NTN4: variants seen among roughly 807,000 people sequenced by gnomAD.
NTN4 encodes netrin 4.
In NTN4, 32 loss-of-function variants were observed where a neutral mutation model predicts 73.6. The ratio of observed to expected loss-of-function variants is 0.44; its 90% CI spans 0.33 to 0.58. The LOEUF (loss-of-function observed/expected upper bound fraction) is 0.58, where lower values mean the gene tolerates loss of function less well. Among genes scored for constraint, NTN4 ranks in the 20% least tolerant of loss-of-function variants. NTN4 has a pLI of 0.04. For missense variants in NTN4, 654 were observed against 798.3 expected (o/e 0.82, Z 2.18); for synonymous variants, 258 against 287.5 (o/e 0.90, Z 1.04).
At chr12:95,734,809 G>A (rs1592693425) in intron 3 of NTN4, among the ~76,000 whole-genome samples, 1 of 152,332 alleles carries the variant, frequency 6.6e-6, no homozygotes, top group Non-Finnish European at 1.5e-5. Flanking sequence ...GGAGGCTGAG[G>A]CGGGTGGATC....
chr12:95,680,303 T>G (rs1026364528), intron 7 of NTN4, among the ~76,000 whole-genome samples: 30 of 152,366 alleles, frequency 2.0e-4, no homozygotes, highest in African/African-American at 7.2e-4. Flanking sequence ...TACAAATTCG[T>G]AAGAAAATTA....
At chr12:95,772,335 C>G (rs1179046953) in intron 2 of NTN4, among the ~76,000 whole-genome samples, 1 of 152,200 alleles carries the variant, frequency 6.6e-6, no homozygotes, top group Admixed American at 6.5e-5. Flanking sequence ...CCACCACGTC[C>G]ACCCAAGATT....
At position 95,743,697 on chromosome 12, in the gene NTN4, CAT is replaced by C. The variant is rs1373128050; in HGVS notation, c.586-5555_586-5554del. Among the ~76,000 whole-genome samples, 4 of 152,166 alleles carry C rather than the reference CAT, an allele frequency of 2.6e-5. No individual in the cohort carries two copies. In the East Asian group the frequency reaches 5.8e-4, roughly 22 times the overall value. ...ACTTAATTTCATTGTGGTCAAAGAA[CAT>C]ATTTTGTATGATATGAATCCTTTTA... On this transcript the variant is annotated intron_variant, in intron 2 of 9. Coordinates refer to ENST00000343702, the MANE Select transcript of NTN4 (RefSeq NM_021229.4).
intron 3 of NTN4, among the ~76,000 whole-genome samples, chr12:95,733,435 G>A (rs1394753978): frequency 6.6e-6 from 1 of 152,188 alleles, no homozygotes; most frequent in Non-Finnish European, 1.5e-5. Flanking sequence ...AAGAGTAGAG[G>A]TAGCTGAGAT....
intron 7 of NTN4, among the ~76,000 whole-genome samples, chr12:95,672,126 G>A (rs527811119): frequency 5.5e-4 from 83 of 151,716 alleles, no homozygotes; most frequent in African/African-American, 2.0e-3. Context: ...TCTAAGACCA[G>A]GCTAGGTAAC....
chr12:95,757,350 T>C (rs901179713), intron 2 of NTN4, among the ~76,000 whole-genome samples: 1 of 152,226 alleles, frequency 6.6e-6, no homozygotes, highest in Non-Finnish European at 1.5e-5. Flanking sequence ...AGCTAGTAAG[T>C]GGCAGAGCCA....
intron 5 of NTN4, among the ~76,000 whole-genome samples, chr12:95,688,996 T>C (rs1050845659): frequency 6.6e-5 from 10 of 152,036 alleles, no homozygotes; most frequent in Non-Finnish European, 1.5e-4. Flanking sequence ...TAACCAATAA[T>C]CATTAGAGCC....
chr12:95,716,631 C>T (rs2078607691), intron 3 of NTN4, among the ~76,000 whole-genome samples: 1 of 151,962 alleles, frequency 6.6e-6, no homozygotes, highest in African/African-American at 2.4e-5. Context: ...ATGGTTTCTT[C>T]TCCAGCTTTC....
intron 3 of NTN4, among the ~76,000 whole-genome samples, chr12:95,718,188 C>T (rs2078621296): frequency 6.6e-6 from 1 of 152,142 alleles, no homozygotes; most frequent in Admixed American, 6.5e-5. Flanking sequence ...AGGCAAGAGA[C>T]ATAAGAATTT....
chr12:95,681,014 C>G (rs1245011374), intron 7 of NTN4, among the ~76,000 whole-genome samples: 3 of 151,752 alleles, frequency 2.0e-5, no homozygotes, highest in Non-Finnish European at 4.4e-5. Context: ...ATAGTGAAAC[C>G]CCATCTCTAC....
chr12:95,790,622 T>G lies in NTN4; in HGVS notation c.-313A>C. On this transcript the variant is annotated 5_prime_UTR_variant, in exon 1 of 10. Coordinates refer to ENST00000343702, the MANE Select transcript of NTN4 (RefSeq NM_021229.4). The surrounding 1 kb of genome is among the most constrained non-coding windows in gnomAD (Gnocchi z 6.5). ...GCGGCCCTGCGGGCTCGTCTGCCGC[T>G]AGCCCGGGGCTCGGCGCCCGCAGCC... The G allele has an allele frequency of 9.7e-6, 2 of 206,738 alleles. No homozygotes were observed. Among genetic ancestry groups the G allele is most frequent in the Non-Finnish European group, 9.6e-6 (1 of 103,864 alleles). The allele number at this position is 206,738 out of a possible 1,614,324, so 12.8% of individuals were successfully genotyped here. A position where few individuals can be genotyped will look rare whatever the true frequency, so the allele number is the denominator to read the frequency against.
At position 95,658,916 on chromosome 12, in the gene NTN4, G is replaced by T; in HGVS notation, c.*170C>A. Reference sequence around the variant, plus strand: ...TCATTTCTCTTCATGAAATAAAACTGTATTTAAACATGGGTCCAGAAGAGA... The same window carrying T: ...TCATTTCTCTTCATGAAATAAAACTTTATTTAAACATGGGTCCAGAAGAGA... On this transcript the variant is annotated 3_prime_UTR_variant, in exon 10 of 10. Coordinates refer to ENST00000343702, the MANE Select transcript of NTN4 (RefSeq NM_021229.4). The T allele has an allele frequency of 1.8e-6, 1 of 542,896 alleles. No homozygotes were observed. The allele number at this position is 542,896 out of a possible 1,614,324, so 33.6% of individuals were successfully genotyped here.
At chr12:95,716,032 G>A (rs536105293) in intron 3 of NTN4, among the ~76,000 whole-genome samples, 1 of 151,588 alleles carries the variant, frequency 6.6e-6, no homozygotes, top group Admixed American at 6.6e-5. Flanking sequence ...GTAACACAAT[G>A]GAGACTAGTA....
At chr12:95,730,105 A>G (rs1469419512) in intron 3 of NTN4, among the ~76,000 whole-genome samples, 1 of 152,220 alleles carries the variant, frequency 6.6e-6, no homozygotes, top group Non-Finnish European at 1.5e-5. Context: ...AAAAAAGTCA[A>G]ATATGAGTTA....
intron 2 of NTN4, among the ~76,000 whole-genome samples, chr12:95,775,928 C>T (rs1280006721): frequency 1.3e-5 from 2 of 152,232 alleles, no homozygotes; most frequent in East Asian, 1.9e-4. Context: ...GGCAGACTGA[C>T]AACTCACACG....
chr12:95,698,564 T>C (rs1212743593), intron 5 of NTN4, among the ~76,000 whole-genome samples: 3 of 152,166 alleles, frequency 2.0e-5, no homozygotes, highest in African/African-American at 7.2e-5. Context: ...ATTTGTAAAG[T>C]TTTGGCTGGG....
At chr12:95,741,458 T>G (rs2078825252) in intron 2 of NTN4, among the ~76,000 whole-genome samples, 1 of 127,382 alleles carries the variant, frequency 7.9e-6, no homozygotes, top group African/African-American at 3.1e-5. Flanking sequence ...TATATATATA[T>G]ATATATATAT....
At chr12:95,695,125 C>CA (rs199994570) in intron 5 of NTN4, among the ~76,000 whole-genome samples, 14,092 of 136,328 alleles carry the variant, frequency 0.1, 1,021 homozygotes, top group East Asian at 0.38. Flanking sequence ...GAGACTGTCT[C>CA]AAAAAAAAAA....
intron 7 of NTN4, among the ~76,000 whole-genome samples, chr12:95,677,227 T>G (rs1238373384): frequency 6.7e-6 from 1 of 149,286 alleles, no homozygotes; most frequent in Non-Finnish European, 1.5e-5. Flanking sequence ...AGACTCCAAC[T>G]CAAAAAAAAA....
Sources: gnomAD v4.1 joint callset for allele counts (sites outside exome capture counted in the v4.1 genomes callset) on GRCh38, gnomAD v4.1.1 for gene constraint, Gnocchi (gnomAD v3.1) non-coding constraint, MANE v1.5 for transcripts, NCBI Gene and HGNC (gene_info 2026-07-23, HGNC 2026-07-21) for gene names.